Variants in SUCLA2 observed in about 807,000 individuals in gnomAD.
The protein encoded by SUCLA2 is succinate-CoA ligase ADP-forming subunit beta, also known as succinate--CoA ligase [ADP-forming] subunit beta, mitochondrial.
Under a neutral mutation model 54.8 loss-of-function variants are expected in SUCLA2, and 30 were observed. That is an observed-to-expected ratio of 0.55 (90% CI 0.41 to 0.74). The LOEUF (loss-of-function observed/expected upper bound fraction) is 0.74. Ranked by LOEUF, SUCLA2 falls within the 30% of genes least tolerant of loss-of-function variation. The pLI is 0.00. For missense variants in SUCLA2, 476 were observed against 562.9 expected (o/e 0.85, Z 1.56); for synonymous variants, 172 against 188.9 (o/e 0.91, Z 0.74).
intron 8 of SUCLA2, among the ~76,000 whole-genome samples, chr13:47,951,820 C>T (rs1477164787): frequency 6.6e-6 from 1 of 152,010 alleles, no homozygotes; most frequent in Non-Finnish European, 1.5e-5. Flanking sequence ...TCCAGGTCTT[C>T]ACCCCTCTAG....
At chr13:47,981,113 C>T (rs1380911293) in intron 4 of SUCLA2, among the ~76,000 whole-genome samples, 3 of 152,098 alleles carry the variant, frequency 2.0e-5, no homozygotes, top group African/African-American at 7.2e-5. Context: ...CTCTATCAAA[C>T]TTAAAAACTT....
chr13:47,994,766 C>CT, intron 2 of SUCLA2: 1 of 903,792 alleles, frequency 1.1e-6, no homozygotes, highest in South Asian at 5.1e-5. Flanking sequence ...AACAAGGTAT[C>CT]TGTTCCAAGG....
intron 8 of SUCLA2, 117 bp downstream of exon 8, chr13:47,954,023 A>G (rs893048974): frequency 8.2e-6 from 8 of 971,940 alleles, no homozygotes; most frequent in Admixed American, 7.7e-5. Context: ...GACTCAAAAT[A>G]TATATTAAAA....
chr13:47,964,714 G>T (rs902260037), intron 6 of SUCLA2, among the ~76,000 whole-genome samples: 1 of 152,002 alleles, frequency 6.6e-6, no homozygotes, highest in Non-Finnish European at 1.5e-5. Context: ...AAAATTAGCC[G>T]GGCGTGGTGG....
rs36000556 is a variant in SUCLA2 at position 47,986,029 on chromosome 13, GTTTTTT to G, written c.534+2506_534+2511del. Among the ~76,000 whole-genome samples, 10 of 122,218 alleles carry G rather than the reference GTTTTTT, an allele frequency of 8.2e-5. No homozygotes were observed. In the South Asian group the frequency reaches 2.2e-3, roughly 26 times the overall value. The allele number at this position is 122,218 out of a possible 152,430, so 80.2% of individuals were successfully genotyped here. On this transcript the variant is annotated intron_variant, in intron 4 of 10. Transcript: ENST00000646932. ...CACATGTGTGTTGGCCATATGTATA[GTTTTTT>G]TTTTTTTTTTTTTGAAACGGATTCT...
At chr13:47,987,579 T>C (rs1950113498) in intron 4 of SUCLA2, 1 of 152,104 alleles carries the variant, frequency 6.6e-6, no homozygotes, top group South Asian at 2.1e-4. Context: ...TACTACCATC[T>C]AGTGTTATAT....
At chr13:47,987,434 T>A (rs1298059191) in intron 4 of SUCLA2, among the ~76,000 whole-genome samples, 1 of 152,106 alleles carries the variant, frequency 6.6e-6, no homozygotes, top group African/African-American at 2.4e-5. Context: ...AAAATATAAT[T>A]TATGTAAATT....
At chr13:47,954,587 T>G in intron 6 of SUCLA2, 30 bp from the exon 7 acceptor site, 1 of 1,609,220 alleles carries the variant, frequency 6.2e-7, no homozygotes, top group South Asian at 1.1e-5. Flanking sequence ...AAAATGACCT[T>G]AATTTCAAGA....
intron 2 of SUCLA2, among the ~76,000 whole-genome samples, chr13:47,989,771 G>C (rs1239895865): frequency 6.6e-6 from 1 of 152,092 alleles, no homozygotes; most frequent in Non-Finnish European, 1.5e-5. Flanking sequence ...TACCAGTATT[G>C]ATACTGATTT....
At chr13:47,984,767 C>A (rs1460175239) in intron 4 of SUCLA2, among the ~76,000 whole-genome samples, 1 of 151,530 alleles carries the variant, frequency 6.6e-6, no homozygotes, top group African/African-American at 2.4e-5. Flanking sequence ...CAGAGCAAGA[C>A]TCTCAAAAAA....
chr13:47,957,724 GT>G (rs1214994642), intron 6 of SUCLA2, among the ~76,000 whole-genome samples: 1 of 152,154 alleles, frequency 6.6e-6, no homozygotes, highest in African/African-American at 2.4e-5. Context: ...ATTCTTGGAG[GT>G]TTTTCTGTAA....
chr13:47,996,323 C>G (rs973259579), intron 2 of SUCLA2, among the ~76,000 whole-genome samples: 3 of 93,556 alleles, frequency 3.2e-5, no homozygotes, highest in Non-Finnish European at 6.4e-5. Flanking sequence ...AACTCCGTCT[C>G]AAAAAAAAAA....
intron 6 of SUCLA2, among the ~76,000 whole-genome samples, chr13:47,958,094 G>A (rs1014471881): frequency 6.6e-5 from 10 of 152,276 alleles, no homozygotes; most frequent in Admixed American, 2.6e-4. Flanking sequence ...GTGCTGCTAC[G>A]CTAAGCAGGG....
At chr13:47,989,821 A>G (rs1950136122) in intron 2 of SUCLA2, among the ~76,000 whole-genome samples, 1 of 152,224 alleles carries the variant, frequency 6.6e-6, no homozygotes, top group Admixed American at 6.5e-5. Flanking sequence ...AAAATACATT[A>G]TTGAGCAGTA....
intron 6 of SUCLA2, among the ~76,000 whole-genome samples, chr13:47,954,898 C>T (rs1375305647): frequency 1.3e-5 from 2 of 152,120 alleles, no homozygotes; most frequent in African/African-American, 2.4e-5. Context: ...ATCCCATCCC[C>T]TCTCCTCTAC....
Position 47,972,680 on chromosome 13 carries a change from A to G in SUCLA2, c.663+584T>C, listed in dbSNP as rs1222120071. On this transcript the variant is annotated intron_variant, in intron 5 of 10. Transcript: ENST00000646932. ...CAAGACTCCGTCTTAAAAAAAAAAA[A>G]AAAAGAAAGAAAGAAAAGAAAAGAA... Among the ~76,000 whole-genome samples, 25 of 150,900 alleles carry G rather than the reference A, an allele frequency of 1.7e-4. 1 individual carries two copies. The highest frequency in any genetic ancestry group is 6.0e-4 in the African/African-American group (25 of 41,366).
In SUCLA2 at chr13:47,996,939, T is replaced by G; in HGVS notation, c.175A>C (p.Met59Leu). 1 of 1,614,094 alleles carries G rather than the reference T, an allele frequency of 6.2e-7. No homozygotes were observed. The highest frequency in any genetic ancestry group is 8.5e-7 in the Non-Finnish European group (1 of 1,179,974). ...GCTTCTTGCAATAATTCCATACTCA[T>G]GTATTCATGTAGTGAGAGATTCCTT... The part of the protein sequence containing the change: ...QQRNLSLHEY[M>L]SMELLQEAGV... Residue 59 changes from methionine (M) to leucine (L), a missense_variant, in exon 2 of 11, where the codon ATG becomes CTG. By Grantham distance (15) the Met-to-Leu change is conservative. Around this residue, in one of 2 missense-constraint regions of SUCLA2, gnomAD observed 134 missense variants for 118.7 expected, o/e 1.13. Transcript: ENST00000646932.
At chr13:47,964,530 CAACT>C (rs1172253434) in intron 6 of SUCLA2, among the ~76,000 whole-genome samples, 2 of 152,128 alleles carry the variant, frequency 1.3e-5, no homozygotes, top group South Asian at 2.1e-4. Flanking sequence ...GAACCAATGT[CAACT>C]AACTGTTTGG....
intron 2 of SUCLA2, among the ~76,000 whole-genome samples, chr13:47,989,491 GTGAGCCAGTGCTGGGATTACAGGCA>G (rs1375881637): frequency 2.7e-5 from 4 of 149,144 alleles, no homozygotes; most frequent in Non-Finnish European, 4.4e-5. Flanking sequence ...GATTACAGGC[GTGAGCCAGTGCTGGGATTACAGGCA>G]TGAGCCACCG....
Sources: allele counts gnomAD v4.1 joint callset (sites outside exome capture counted in the v4.1 genomes callset), GRCh38; gene constraint gnomAD v4.1.1; regional missense constraint gnomAD v4.1.1; transcripts MANE v1.5; gene names NCBI Gene and HGNC (gene_info 2026-07-23, HGNC 2026-07-21).